The following CYB5R3 variants were observed in gnomAD, a reference collection of about 807,000 sequenced individuals.
CYB5R3 encodes the protein cytochrome b5 reductase 3.
In CYB5R3, 28 loss-of-function variants were observed where a neutral mutation model predicts 36.5. The observed-to-expected ratio is 0.77, with a 90% confidence interval of 0.57 to 1.05. CYB5R3 has a LOEUF of 1.05. Among genes scored for constraint, CYB5R3 ranks in the 50% least tolerant of loss-of-function variants. The pLI is 0.00. For synonymous variants in CYB5R3, 181 were observed against 159.8 expected, an observed-to-expected ratio of 1.13 and a Z score of -1.00; for missense variants, 474 against 408.9, an observed-to-expected ratio of 1.16 and a Z score of -1.37.
At chr22:42,643,235 G>A (rs1295523141) in intron 1 of CYB5R3, among the ~76,000 whole-genome samples, 1 of 152,080 alleles carries the variant, frequency 6.6e-6, no homozygotes, top group African/African-American at 2.4e-5. Context: ...AAAAAGCGAG[G>A]GCCACTGCCT....
chr22:42,639,350 G>A (rs1273440825), intron 1 of CYB5R3, among the ~76,000 whole-genome samples: 5 of 149,440 alleles, frequency 3.3e-5, no homozygotes, highest in Non-Finnish European at 5.9e-5. Flanking sequence ...GGGGGGGACC[G>A]GGCACGGTGG....
intron 2 of CYB5R3, chr22:42,633,402 T>A (rs1177269356): frequency 6.6e-6 from 1 of 152,332 alleles, no homozygotes; most frequent in East Asian, 1.9e-4. Flanking sequence ...CACGGGGCCC[T>A]GGGATGCGGC....
At chr22:42,639,807 T>C (rs1475532847) in intron 1 of CYB5R3, 3 of 833,826 alleles carry the variant, frequency 3.6e-6, no homozygotes, top group East Asian at 2.7e-5. Flanking sequence ...ATAGACACAG[T>C]TGACCCTTGA....
At chr22:42,631,549 C>T in intron 2 of CYB5R3, 99 bp from the exon 3 acceptor site, 1 of 1,001,966 alleles carries the variant, frequency 1.0e-6, no homozygotes, top group Non-Finnish European at 1.5e-6. Flanking sequence ...TCCTTTGTGT[C>T]CCCACCCTTC....
intron 4 of CYB5R3, 50 bp from the exon 5 acceptor site, chr22:42,628,331 C>T (rs371828016): frequency 5.6e-5 from 90 of 1,608,644 alleles, no homozygotes; most frequent in Non-Finnish European, 6.9e-5. Flanking sequence ...GTCTCAGGGG[C>T]GAGCTCTTGC....
chr22:42,619,607 C>T lies in CYB5R3; in HGVS notation c.*166G>A. On this transcript the variant is annotated 3_prime_UTR_variant, in exon 9 of 9. Transcript: ENST00000352397. ...GTGGCCCATCTGGGACACAGCCCTG[C>T]TCCCGAAGGGGCTCCAGGGGAACTG... 1 of 661,878 alleles carries T rather than the reference C, an allele frequency of 1.5e-6. No individual in the cohort carries two copies. 41.0% of individuals were successfully genotyped at this position (661,878 alleles called of 1,614,324 possible). A position where few individuals can be genotyped will look rare whatever the true frequency, so the allele number is the denominator to read the frequency against.
chr22:42,644,046 A>G (rs1482140624), intron 1 of CYB5R3, among the ~76,000 whole-genome samples: 2 of 152,100 alleles, frequency 1.3e-5, no homozygotes, highest in African/African-American at 4.8e-5. Context: ...CAGCCCTCCA[A>G]GCATCGCTCA....
chr22:42,636,374 G>C (rs578201507), intron 2 of CYB5R3, among the ~76,000 whole-genome samples: 3 of 152,212 alleles, frequency 2.0e-5, no homozygotes, highest in South Asian at 4.1e-4. Context: ...TGGGGGAGGG[G>C]GAGGAGGGAG....
chr22:42,628,665 G>C (rs888928604), intron 4 of CYB5R3, among the ~76,000 whole-genome samples: 2 of 152,176 alleles, frequency 1.3e-5, no homozygotes, highest in African/African-American at 2.4e-5. Flanking sequence ...CCTCCTGGTG[G>C]ACACTCAGTC....
At chr22:42,637,934 C>T (rs1040998412) in intron 1 of CYB5R3, among the ~76,000 whole-genome samples, 1 of 152,200 alleles carries the variant, frequency 6.6e-6, no homozygotes, top group African/African-American at 2.4e-5. Context: ...CCCCTGCCCC[C>T]GACATCTCAG....
chr22:42,638,728 T>TTAAAAAAAAAAAAA lies in CYB5R3; in HGVS notation c.22-1883_22-1882insTTTTTTTTTTTTTA, dbSNP rs1569324852. Among the ~76,000 whole-genome samples, 26 of 47,520 alleles carry TTAAAAAAAAAAAAA rather than the reference T, an allele frequency of 5.5e-4. 1 individual carries two copies. Among genetic ancestry groups the TTAAAAAAAAAAAAA allele is most frequent in the African/African-American group, 2.7e-3 (25 of 9,110 alleles). 31.2% of individuals were successfully genotyped at this position (47,520 alleles called of 152,430 possible). A position where few individuals can be genotyped will look rare whatever the true frequency, so the allele number is the denominator to read the frequency against. On this transcript the variant is annotated intron_variant, in intron 1 of 8. Coordinates refer to ENST00000352397, the MANE Select transcript of CYB5R3 (RefSeq NM_000398.7). The stretch of plus-strand genomic sequence containing the variant: ...GCCTGGGAGACAGAGCAAGACTCCA[T>TTAAAAAAAAAAAAA]AAAAAAAAAAAAAAAAAAAAAAGGC...
At chr22:42,640,202 G>C in intron 1 of CYB5R3, 1 of 1,606,856 alleles carries the variant, frequency 6.2e-7, no homozygotes, top group Non-Finnish European at 8.5e-7. Flanking sequence ...GCCAATCGAG[G>C]CTTCAAGTAA....
Position 42,649,332 on chromosome 22 carries a change from G to C in CYB5R3, c.-17C>G. On this transcript the variant is annotated 5_prime_UTR_variant, in exon 1 of 9. Transcript: ENST00000352397. Reference sequence around the variant, plus strand: ...GGCCCCCATGGTGGCCCCGCGCCGCGCTCGCTCTGTCGCCGCCGCCGCCGC... The same window carrying C: ...GGCCCCCATGGTGGCCCCGCGCCGCCCTCGCTCTGTCGCCGCCGCCGCCGC... 2.0e-6 allele frequency: 2 copies of C among 1,008,308 alleles called. No individual in the cohort carries two copies. Among genetic ancestry groups the C allele is most frequent in the Non-Finnish European group, 2.4e-6 (2 of 833,762 alleles). The allele number at this position is 1,008,308 out of a possible 1,614,324, so 62.5% of individuals were successfully genotyped here.
chr22:42,637,745 T>G (rs1426747614), intron 1 of CYB5R3, among the ~76,000 whole-genome samples: 3 of 152,190 alleles, frequency 2.0e-5, no homozygotes, highest in Non-Finnish European at 4.4e-5. Context: ...TGGTAGGCAC[T>G]GTCATCACCA....
chr22:42,624,404 A>T (rs1394372825), intron 7 of CYB5R3, among the ~76,000 whole-genome samples: 1 of 151,362 alleles, frequency 6.6e-6, no homozygotes, highest in Non-Finnish European at 1.5e-5. Flanking sequence ...TACAGACACC[A>T]CTCCCCACCC....
chr22:42,642,213 G>A (rs774944375), intron 1 of CYB5R3, among the ~76,000 whole-genome samples: 10 of 150,788 alleles, frequency 6.6e-5, no homozygotes, highest in Non-Finnish European at 1.3e-4. Context: ...TTGTACCCAA[G>A]CAATCCTCCC....
At chr22:42,622,646 T>C (rs951086771) in intron 8 of CYB5R3, among the ~76,000 whole-genome samples, 1 of 152,112 alleles carries the variant, frequency 6.6e-6, no homozygotes, top group Non-Finnish European at 1.5e-5. Context: ...TCCTAGGTGC[T>C]AGCCAGGTGG....
At chr22:42,631,089 C>T in intron 3 of CYB5R3, 101 bp from the exon 4 acceptor site, 1 of 1,128,498 alleles carries the variant, frequency 8.9e-7, no homozygotes, top group Non-Finnish European at 1.3e-6. Context: ...GCATTCAAAG[C>T]CTGGCCTGGC....
intron 7 of CYB5R3, among the ~76,000 whole-genome samples, chr22:42,624,472 C>G (rs1347207267): frequency 1.3e-5 from 2 of 150,706 alleles, no homozygotes; most frequent in East Asian, 2.0e-4. Context: ...TGCGGCTCCC[C>G]CACCCCCACC....
Sources: allele counts gnomAD v4.1 joint callset (sites outside exome capture counted in the v4.1 genomes callset), GRCh38; gene constraint gnomAD v4.1.1; transcripts MANE v1.5; gene names NCBI Gene and HGNC (gene_info 2026-07-23, HGNC 2026-07-21).